Variants in CADM1 observed in about 807,000 individuals in gnomAD.
CADM1 encodes cell adhesion molecule 1.
In CADM1, 15 loss-of-function variants were observed where a neutral mutation model predicts 53.1. That is an observed-to-expected ratio of 0.28 (90% CI 0.19 to 0.44). CADM1 has a LOEUF of 0.44. Among genes scored for constraint, CADM1 ranks in the 20% least tolerant of loss-of-function variants. CADM1 has a pLI of 1.00. For synonymous variants in CADM1, 281 were observed against 243.0 expected (o/e 1.16, Z -1.45); for missense variants, 434 against 611.3 (o/e 0.71, Z 3.06).
At chr11:115,275,802 C>T (rs1943428918) in intron 1 of CADM1, among the ~76,000 whole-genome samples, 1 of 152,146 alleles carries the variant, frequency 6.6e-6, no homozygotes, top group African/African-American at 2.4e-5. Context: ...GGTGCGCTTG[C>T]TACTTAAGGT....
intron 1 of CADM1, among the ~76,000 whole-genome samples, chr11:115,452,639 TG>T (rs577345954): frequency 8.5e-5 from 13 of 152,258 alleles, no homozygotes; most frequent in Non-Finnish European, 1.9e-4. Flanking sequence ...CATTAACACT[TG>T]GGGGAAACAG....
At chr11:115,275,314 G>T (rs566961700) in intron 1 of CADM1, among the ~76,000 whole-genome samples, 34 of 152,058 alleles carry the variant, frequency 2.2e-4, no homozygotes, top group Non-Finnish European at 4.4e-4. Context: ...GTGCAGGTGC[G>T]ATTTCCTTCA....
intron 1 of CADM1, among the ~76,000 whole-genome samples, chr11:115,274,748 G>A (rs1214996320): frequency 1.3e-5 from 2 of 152,174 alleles, no homozygotes; most frequent in African/African-American, 4.8e-5. Flanking sequence ...CAGGCTGGAT[G>A]CTTTAGATAT....
intron 1 of CADM1, among the ~76,000 whole-genome samples, chr11:115,453,377 CA>C (rs987435928): frequency 2.4e-5 from 3 of 126,024 alleles, no homozygotes; most frequent in Non-Finnish European, 5.5e-5. Context: ...CCCTCGCCCC[CA>C]AAAAAAACCA....
chr11:115,274,316 G>A lies in CADM1; in HGVS notation c.125-33896C>T, dbSNP rs567795529. On this transcript the variant is annotated intron_variant, in intron 1 of 11. Transcript: ENST00000331581. ...CGGAATGGCACAGGTGCTTAAGCAC[G>A]AGCACCAGGCTCTGCCCGCACACTG... Among the ~76,000 whole-genome samples, 9 of 152,314 alleles carry A rather than the reference G, an allele frequency of 5.9e-5. No homozygotes were observed. The East Asian group carries it at 1.2e-3, about 20-fold the overall frequency.
intron 1 of CADM1, among the ~76,000 whole-genome samples, chr11:115,355,470 A>G (rs909826095): frequency 2.6e-5 from 4 of 152,124 alleles, no homozygotes; most frequent in Non-Finnish European, 5.9e-5. Flanking sequence ...ACTTGAGGGT[A>G]GAGGCTGGGA....
intron 1 of CADM1, among the ~76,000 whole-genome samples, chr11:115,311,748 T>A (rs998656322): frequency 2.0e-5 from 3 of 152,128 alleles, no homozygotes; most frequent in Admixed American, 1.3e-4. Flanking sequence ...AAAACTCTCT[T>A]TTTCATGTTA....
chr11:115,504,132 G>T (rs1277455753), intron 1 of CADM1, 139 bp downstream of exon 1: 26 of 1,308,038 alleles, frequency 2.0e-5, no homozygotes, highest in Non-Finnish European at 2.6e-5. Flanking sequence ...TCAGCCCTGA[G>T]TTTCCTCTCC....
At chr11:115,463,114 A>C (rs923730291) in intron 1 of CADM1, among the ~76,000 whole-genome samples, 1 of 152,076 alleles carries the variant, frequency 6.6e-6, no homozygotes, top group African/African-American at 2.4e-5. Context: ...GACTCTCCCC[A>C]AAAAAATGCA....
At chr11:115,428,754 GAAAA>G (rs903703680) in intron 1 of CADM1, among the ~76,000 whole-genome samples, 1 of 141,480 alleles carries the variant, frequency 7.1e-6, no homozygotes, top group Non-Finnish European at 1.5e-5. Context: ...TAGCTATAGA[GAAAA>G]AAAACTAGCA....
rs570796178 is a variant in CADM1 at position 115,296,325 on chromosome 11, G to T, written c.125-55905C>A. 5.9e-5 allele frequency among the ~76,000 whole-genome samples: 9 copies of T among 152,252 alleles called. No individual in the cohort carries two copies. The South Asian group carries it at 1.9e-3, about 32-fold the overall frequency. On this transcript the variant is annotated intron_variant, in intron 1 of 11. Coordinates refer to ENST00000331581, the MANE Select transcript of CADM1 (RefSeq NM_001301043.2). ...TGGAGTAGTGCTATGCCTTAAGTTT[G>T]CCCGCACCAAAACTCATGTTGAAAT...
chr11:115,180,122 G>A (rs1414832342), intron 10 of CADM1, among the ~76,000 whole-genome samples: 3 of 152,102 alleles, frequency 2.0e-5, no homozygotes, highest in East Asian at 1.9e-4. Context: ...CTTTTGAGCC[G>A]AAACCTGATA....
chr11:115,417,614 G>T (rs1413337741), intron 1 of CADM1, among the ~76,000 whole-genome samples: 1 of 152,204 alleles, frequency 6.6e-6, no homozygotes, highest in Non-Finnish European at 1.5e-5. Context: ...CGGCTAGTGA[G>T]AGACCACCAG....
intron 1 of CADM1, among the ~76,000 whole-genome samples, chr11:115,267,493 G>C (rs1018000633): frequency 6.6e-6 from 1 of 152,124 alleles, no homozygotes; most frequent in African/African-American, 2.4e-5. Context: ...CGAATGAAAT[G>C]CCACTTAGGA....
chr11:115,390,640 G>A (rs948374207), intron 1 of CADM1, among the ~76,000 whole-genome samples: 8 of 149,692 alleles, frequency 5.3e-5, no homozygotes, highest in East Asian at 2.0e-4. Context: ...ATAGGTTCCC[G>A]GAGTCACCAG....
intron 1 of CADM1, among the ~76,000 whole-genome samples, chr11:115,306,037 A>C (rs750007379): frequency 2.3e-5 from 3 of 131,842 alleles, no homozygotes; most frequent in Non-Finnish European, 4.9e-5. Context: ...TAAACTTCAA[A>C]ATTTTAATTA....
chr11:115,308,746 T>C (rs1268076491), intron 1 of CADM1, among the ~76,000 whole-genome samples: 1 of 150,504 alleles, frequency 6.6e-6, no homozygotes, highest in East Asian at 2.0e-4. Context: ...CCTTTTTCCT[T>C]TCCTTTCCTT....
intron 1 of CADM1, among the ~76,000 whole-genome samples, chr11:115,259,985 G>A (rs1051451305): frequency 5.9e-5 from 9 of 152,172 alleles, no homozygotes; most frequent in Non-Finnish European, 1.3e-4. Flanking sequence ...AAGTGCAGAG[G>A]TGCTATCATA....
At chr11:115,445,853 A>C (rs1468082195) in intron 1 of CADM1, 1 of 425,238 alleles carries the variant, frequency 2.4e-6, no homozygotes, top group Non-Finnish European at 4.7e-6. Flanking sequence ...AAAAAGAAAA[A>C]ACGAGAGAGA....
Sources: gnomAD v4.1 joint callset for allele counts (sites outside exome capture counted in the v4.1 genomes callset) on GRCh38, gnomAD v4.1.1 for gene constraint, MANE v1.5 for transcripts, NCBI Gene and HGNC (gene_info 2026-07-23, HGNC 2026-07-21) for gene names.